The following DOCK10 variants were observed in gnomAD, a reference collection of about 807,000 sequenced individuals.
DOCK10 encodes dedicator of cytokinesis 10.
A neutral mutation model predicts 280.1 loss-of-function variants in DOCK10; 145 were observed. That is an observed-to-expected ratio of 0.52 (90% CI 0.45 to 0.59). DOCK10 has a LOEUF of 0.59. Ranked by LOEUF, DOCK10 falls within the 20% of genes least tolerant of loss-of-function variation. The pLI, the probability that DOCK10 is intolerant of heterozygous loss-of-function variation, is 0.00. For missense variants in DOCK10, 2,368 were observed against 2,651.7 expected (o/e 0.89, Z 2.35); for synonymous variants, 915 against 942.2 (o/e 0.97, Z 0.53).
rs912909917 is a variant in DOCK10 at position 224,777,628 on chromosome 2, T to C, written c.5802+510A>G. Among the ~76,000 whole-genome samples the C allele has an allele frequency of 7.9e-5, 12 of 152,328 alleles. No individual in the cohort carries two copies. The South Asian group carries it at 2.5e-3, about 32-fold the overall frequency. ...ACTGTCAACTTCCCTACTTTTGATG[T>C]TTTGGGACACAAAACTGGTTTCCTT... On this transcript the variant is annotated intron_variant, in intron 51 of 55. Transcript: ENST00000258390.
rs1254390626 is a variant in DOCK10 at position 224,873,993 on chromosome 2, T to C, written c.1257+3A>G. 1.9e-6 allele frequency: 3 copies of C among 1,609,064 alleles called. No individual in the cohort carries two copies. Among genetic ancestry groups the C allele is most frequent in the Non-Finnish European group, 2.5e-6 (3 of 1,178,622 alleles). Reference sequence around the variant, plus strand: ...TATAGGATGTAACAGAGGAGAAACTTACATTCGTTATCGGATCATTTTCAT... The same window carrying C: ...TATAGGATGTAACAGAGGAGAAACTCACATTCGTTATCGGATCATTTTCAT... On this transcript the variant is annotated splice_donor_region_variant and intron_variant, in intron 11 of 55. Coordinates refer to ENST00000258390, the MANE Select transcript of DOCK10 (RefSeq NM_014689.3).
chr2:224,958,252 C>T (rs772668850), intron 1 of DOCK10, among the ~76,000 whole-genome samples: 3 of 152,166 alleles, frequency 2.0e-5, no homozygotes, highest in Admixed American at 6.5e-5. Context: ...TCTTGAGCTG[C>T]GCTGCTACAG....
intron 1 of DOCK10, among the ~76,000 whole-genome samples, chr2:225,023,599 GCTTATGAGA>G (rs1362088126): frequency 1.3e-5 from 2 of 152,106 alleles, no homozygotes; most frequent in African/African-American, 4.8e-5. Flanking sequence ...CTTTCATACT[GCTTATGAGA>G]GTGGAAAGTG....
intron 55 of DOCK10, 73 bp from the exon 56 acceptor site, chr2:224,765,910 C>G: frequency 8.7e-7 from 1 of 1,148,624 alleles, no homozygotes; most frequent in South Asian, 1.5e-5. Context: ...AAAATTAAAA[C>G]CCAGAATAGA....
chr2:225,028,096 T>C (rs894571197), intron 1 of DOCK10, among the ~76,000 whole-genome samples: 1 of 152,118 alleles, frequency 6.6e-6, no homozygotes, highest in Non-Finnish European at 1.5e-5. Context: ...CCTATAAATA[T>C]ACTCATTTCC....
chr2:225,005,759 C>T (rs1394113689), intron 1 of DOCK10, among the ~76,000 whole-genome samples: 4 of 152,294 alleles, frequency 2.6e-5, no homozygotes, highest in East Asian at 1.9e-4. Flanking sequence ...ATTAGGCAAG[C>T]GTTATGGACA....
Position 224,770,069 on chromosome 2 carries a change from G to A in DOCK10, c.6444+142C>T, listed in dbSNP as rs527787455. 7.3e-5 allele frequency: 69 copies of A among 942,020 alleles called. 2 individuals carry two copies. The South Asian group carries it at 1.4e-3, about 20-fold the overall frequency. The allele number at this position is 942,020 out of a possible 1,614,324, so 58.4% of individuals were successfully genotyped here. On this transcript the variant is annotated intron_variant, in intron 55 of 55. Coordinates refer to ENST00000258390, the MANE Select transcript of DOCK10 (RefSeq NM_014689.3). The surrounding 1 kb of genome is among the most constrained non-coding windows in gnomAD (Gnocchi z 4.5). ...CTTTGGGGCACGAGGTGGTGTGCACGGGAGAGAGAACAGATCAGCAACATG... is the reference window on the plus strand; with the variant it reads ...CTTTGGGGCACGAGGTGGTGTGCACAGGAGAGAGAACAGATCAGCAACATG...
At chr2:224,952,717 C>G (rs953809260) in intron 1 of DOCK10, among the ~76,000 whole-genome samples, 8 of 150,260 alleles carry the variant, frequency 5.3e-5, no homozygotes, top group African/African-American at 2.0e-4. Context: ...CTCAGCCTCC[C>G]AAGTAGCTGG....
chr2:224,805,669 G>T lies in DOCK10; in HGVS notation c.3815-140C>A. 1 of 1,116,908 alleles carries T rather than the reference G, an allele frequency of 9.0e-7. No homozygotes were observed. Among genetic ancestry groups the T allele is most frequent in the Non-Finnish European group, 1.3e-6 (1 of 798,428 alleles). 69.2% of individuals were successfully genotyped at this position (1,116,908 alleles called of 1,614,324 possible). A position where few individuals can be genotyped will look rare whatever the true frequency, so the allele number is the denominator to read the frequency against. ...CAAAGACCAACATAACAGCGTCTGG[G>T]ATTGGCATTAAAGCCAGCTCTTGTT... On this transcript the variant is annotated intron_variant, in intron 34 of 55. Transcript: ENST00000258390. This position sits in a 1 kb window ranked among gnomAD's most constrained non-coding sequence, Gnocchi z 4.3.
intron 55 of DOCK10, chr2:224,768,800 A>T (rs772555035): frequency 4.7e-6 from 2 of 423,420 alleles, no homozygotes; most frequent in African/African-American, 4.2e-5. Context: ...AGAGAGACTG[A>T]ATGGCTAGGA....
chr2:224,807,832 G>C (rs1314012300), intron 32 of DOCK10, 48 bp from the exon 33 acceptor site: 2 of 1,572,848 alleles, frequency 1.3e-6, no homozygotes, highest in Non-Finnish European at 1.7e-6. Flanking sequence ...AAAATCAATA[G>C]GCTTGTCGGT....
chr2:224,865,096 A>G lies in DOCK10; in HGVS notation c.1258-9T>C. The G allele has an allele frequency of 6.2e-7, 1 of 1,611,672 alleles. No individual in the cohort carries two copies. The highest frequency in any genetic ancestry group is 8.5e-7 in the Non-Finnish European group (1 of 1,178,762). ...ACAAAAAAAGGCTCAATCTGCATGA[A>G]AAAGAAAGAACAGATGTTTTTGATA... is the stretch of plus-strand genomic sequence containing the variant. On this transcript the variant is annotated splice_polypyrimidine_tract_variant and intron_variant, in intron 11 of 55. Coordinates refer to ENST00000258390, the MANE Select transcript of DOCK10 (RefSeq NM_014689.3).
Position 225,035,583 on chromosome 2 carries a change from T to TA in DOCK10, c.123+6668dup, listed in dbSNP as rs1559987035. On this transcript the variant is annotated intron_variant, in intron 1 of 55. Coordinates refer to ENST00000258390, the MANE Select transcript of DOCK10 (RefSeq NM_014689.3). ...ATATATATATATATATATATATATATATATAACACTGAATCAGTGTTAATT... is the reference window on the plus strand; with the variant it reads ...ATATATATATATATATATATATATATAATATAACACTGAATCAGTGTTAATT... Among the ~76,000 whole-genome samples the TA allele has an allele frequency of 7.1e-3, 788 of 111,430 alleles. 22 individuals carry two copies. The highest frequency in any genetic ancestry group is 0.033 in the African/African-American group (742 of 22,366). 73.1% of individuals were successfully genotyped at this position (111,430 alleles called of 152,430 possible).
intron 33 of DOCK10, among the ~76,000 whole-genome samples, chr2:224,806,449 A>G (rs1042492090): frequency 2.0e-5 from 3 of 152,206 alleles, no homozygotes; most frequent in African/African-American, 7.2e-5. Flanking sequence ...CTTTTTTACA[A>G]TGTTGTAGAA....
chr2:224,925,233 C>T (rs965663524), intron 2 of DOCK10, among the ~76,000 whole-genome samples: 4 of 151,354 alleles, frequency 2.6e-5, no homozygotes, highest in African/African-American at 9.7e-5. Context: ...CAGTTTAAAA[C>T]ATATTCAAAT....
chr2:224,806,492 T>C (rs374483370), intron 33 of DOCK10, among the ~76,000 whole-genome samples: 110 of 152,308 alleles, frequency 7.2e-4, no homozygotes, highest in African/African-American at 2.6e-3. Context: ...ACAGACTACA[T>C]GGCTGGATTG....
At chr2:224,866,539 T>C (rs1482649791) in intron 11 of DOCK10, among the ~76,000 whole-genome samples, 1 of 152,202 alleles carries the variant, frequency 6.6e-6, no homozygotes, top group Admixed American at 6.5e-5. Context: ...GTCTTGCTAC[T>C]CACCAAACAC....
intron 2 of DOCK10, among the ~76,000 whole-genome samples, chr2:224,922,485 G>A (rs1701818116): frequency 6.6e-6 from 1 of 152,174 alleles, no homozygotes; most frequent in Non-Finnish European, 1.5e-5. Flanking sequence ...GATTTCATAA[G>A]GAGCCTATCT....
chr2:225,015,199 C>A (rs756202745), intron 1 of DOCK10, among the ~76,000 whole-genome samples: 6 of 152,064 alleles, frequency 3.9e-5, no homozygotes, highest in Non-Finnish European at 7.4e-5. Flanking sequence ...ATAGCCAATA[C>A]ATGAAAGTAT....
Sources: gnomAD v4.1 joint callset for allele counts (sites outside exome capture counted in the v4.1 genomes callset) on GRCh38, gnomAD v4.1.1 for gene constraint, Gnocchi (gnomAD v3.1) non-coding constraint, MANE v1.5 for transcripts, NCBI Gene and HGNC (gene_info 2026-07-23, HGNC 2026-07-21) for gene names.